The following ANKHD1 variants were observed in gnomAD, a reference collection of about 807,000 sequenced individuals.
ANKHD1 encodes the protein ankyrin repeat and KH domain containing 1, also known as ankyrin repeat and KH domain-containing protein 1.
Under a neutral mutation model 230.5 loss-of-function variants are expected in ANKHD1, and 31 were observed. That is an observed-to-expected ratio of 0.13 (90% CI 0.10 to 0.18). The LOEUF (loss-of-function observed/expected upper bound fraction) is 0.18. Ranked by LOEUF, ANKHD1 falls within the 10% of genes least tolerant of loss-of-function variation. ANKHD1 has a pLI of 1.00. For missense variants in ANKHD1, 2,256 were observed against 3,071.3 expected, an observed-to-expected ratio of 0.73 and a Z score of 6.27; for synonymous variants, 1,074 against 1,117.6, an observed-to-expected ratio of 0.96 and a Z score of 0.78.
In ANKHD1 at chr5:140,538,101, G is replaced by T. The variant is rs748439529; in HGVS notation, c.7244G>T (p.Trp2415Leu). The T allele has an allele frequency of 6.2e-7, 1 of 1,611,060 alleles. No homozygotes were observed. The highest frequency in any genetic ancestry group is 1.3e-5 in the African/African-American group (1 of 74,826). The change falls in exon 32 of 34, where the codon TGG becomes TTG. Residue 2415 changes from tryptophan to leucine, a missense_variant. Trp to Leu is a moderately conservative substitution (Grantham distance 61, BLOSUM62 -2). Transcript: ENST00000360839. ...VNAVSEGLSG[W>L]SQSVMGNHPM... is the part of the protein sequence containing the mutation. ...TTCTTTCCAGAAGGCTTATCAGGTT[G>T]GTCGCAATCTGTGATGGGGAACCAT...
Position 140,445,861 on chromosome 5 carries a change from G to A in ANKHD1, c.1033G>A (p.Ala345Thr), listed in dbSNP as rs1774241693. ...AAATGGACATACTCCCTTAATGGAA[G>A]CAGCCAGTGCAGGTCATGTGGAAGT... Reference protein sequence around the residue: ...NENGHTPLMEAASAGHVEVAR... With the variant: ...NENGHTPLMETASAGHVEVAR... The change falls in exon 6 of 34, where the codon GCA (alanine) becomes ACA (threonine). Residue 345 changes from alanine (A) to threonine (T), a missense_variant. Coordinates refer to ENST00000360839, the MANE Select transcript of ANKHD1 (RefSeq NM_017747.3). The A allele has an allele frequency of 1.2e-6, 2 of 1,613,612 alleles. No individual in the cohort carries two copies. The highest frequency in any genetic ancestry group is 1.3e-5 in the African/African-American group (1 of 74,922).
chr5:140,412,651 C>T (rs1771035417), intron 1 of ANKHD1, among the ~76,000 whole-genome samples: 1 of 151,984 alleles, frequency 6.6e-6, no homozygotes, highest in African/African-American at 2.4e-5. Context: ...AGGCATATGC[C>T]CAACTTTGCA....
At chr5:140,437,531 C>T (rs1041822944) in intron 2 of ANKHD1, among the ~76,000 whole-genome samples, 5 of 152,126 alleles carry the variant, frequency 3.3e-5, no homozygotes, top group Non-Finnish European at 7.3e-5. Flanking sequence ...GGTGAAACCT[C>T]GTCTTTACTA....
At position 140,441,054 on chromosome 5, in the gene ANKHD1, C is replaced by T; in HGVS notation, c.825C>T (p.Pro275=). The T allele has an allele frequency of 6.8e-6, 11 of 1,611,952 alleles. No individual in the cohort carries two copies. The highest frequency in any genetic ancestry group is 6.7e-5 in the Admixed American group (4 of 59,562). ...GAGGGAATAAAGGAGACATAACTCC[C>T]CTGATGGCAGCTTCCAGTGGAGGTT... is the stretch of plus-strand genomic sequence containing the variant. ...EDRGNKGDIT[P]LMAASSGGYL... Residue 275 remains proline (P), a synonymous_variant, in exon 5 of 34, where the codon CCC becomes CCT. Coordinates refer to ENST00000360839, the MANE Select transcript of ANKHD1 (RefSeq NM_017747.3).
intron 1 of ANKHD1, among the ~76,000 whole-genome samples, chr5:140,415,376 C>T (rs1183046499): frequency 4.0e-5 from 6 of 148,242 alleles, no homozygotes; most frequent in East Asian, 2.0e-4. Flanking sequence ...AGCGAGACTT[C>T]GTCTTAAGAA....
chr5:140,491,074 GTATATATGTGTGTGTGTGTATA>G (rs2127026976), intron 14 of ANKHD1, among the ~76,000 whole-genome samples: 1 of 112,532 alleles, frequency 8.9e-6, no homozygotes, highest in South Asian at 2.9e-4. Context: ...TTATATGTAT[GTATATATGTGTGTGTGTGTATA>G]TATATATATA....
chr5:140,470,130 G>A lies in ANKHD1; in HGVS notation c.1782+5354G>A, dbSNP rs1188344016. Among the ~76,000 whole-genome samples, 6 of 152,048 alleles carry A rather than the reference G, an allele frequency of 3.9e-5. No individual in the cohort carries two copies. In the Middle Eastern group the frequency reaches 0.01, roughly 259 times the overall value. ...TCTTCTGGTACTGAATATTGCCAAA[G>A]CCTGCTAGACTATTCTGTATTATAT... On this transcript the variant is annotated intron_variant, in intron 10 of 33. Coordinates refer to ENST00000360839, the MANE Select transcript of ANKHD1 (RefSeq NM_017747.3).
intron 14 of ANKHD1, among the ~76,000 whole-genome samples, chr5:140,487,301 A>G (rs1000425937): frequency 6.6e-6 from 1 of 152,224 alleles, no homozygotes. Flanking sequence ...AGATGAAAAC[A>G]CTTAAGAAAC....
intron 10 of ANKHD1, among the ~76,000 whole-genome samples, chr5:140,475,887 G>A (rs2127003865): frequency 6.6e-6 from 1 of 152,244 alleles, no homozygotes; most frequent in African/African-American, 2.4e-5. Context: ...TCTTTATCAA[G>A]AAAGATAGTC....
At chr5:140,416,522 T>C (rs891444946) in intron 1 of ANKHD1, among the ~76,000 whole-genome samples, 6 of 152,226 alleles carry the variant, frequency 3.9e-5, no homozygotes, top group Non-Finnish European at 5.9e-5. Flanking sequence ...TGGGTTTACT[T>C]TCTTGACTCT....
At chr5:140,430,087 C>T (rs1214450490) in intron 1 of ANKHD1, among the ~76,000 whole-genome samples, 1 of 152,138 alleles carries the variant, frequency 6.6e-6, no homozygotes, top group Non-Finnish European at 1.5e-5. Context: ...TTAGTTGAAG[C>T]TAAAAACCAC....
intron 22 of ANKHD1, among the ~76,000 whole-genome samples, chr5:140,510,928 T>C (rs1752739341): frequency 6.6e-6 from 1 of 151,974 alleles, no homozygotes; most frequent in Non-Finnish European, 1.5e-5. Flanking sequence ...GCTCAATTGA[T>C]CCTCCCGCCT....
At chr5:140,429,834 C>T (rs1270572936) in intron 1 of ANKHD1, among the ~76,000 whole-genome samples, 1 of 152,270 alleles carries the variant, frequency 6.6e-6, no homozygotes, top group East Asian at 1.9e-4. Context: ...TATAGCGCTA[C>T]ATAGAAACTG....
chr5:140,412,301 A>G (rs1248294087), intron 1 of ANKHD1, among the ~76,000 whole-genome samples: 1 of 152,038 alleles, frequency 6.6e-6, no homozygotes, highest in Non-Finnish European at 1.5e-5. Context: ...AAGTGCTGCG[A>G]TTACAGGCGT....
At chr5:140,468,110 T>C (rs1173235214) in intron 10 of ANKHD1, among the ~76,000 whole-genome samples, 1 of 119,738 alleles carries the variant, frequency 8.4e-6, no homozygotes, top group Non-Finnish European at 1.6e-5. Flanking sequence ...GGTCTGGCTC[T>C]GTTACCCAGG....
At position 140,529,419 on chromosome 5, in the gene ANKHD1, C is replaced by G. The variant is rs1247851356; in HGVS notation, c.6473C>G (p.Ser2158Cys). Residue 2158 changes from serine (S) to cysteine (C), a missense_variant, in exon 29 of 34, where the codon TCT (serine) becomes TGT (cysteine). Ser to Cys is a moderately radical substitution (Grantham distance 112). Transcript: ENST00000360839. ...GCAACTATTCACCAGGATCCCCAGT[C>G]TATTTTTGTTACGAATCCAGTTACT... ...PNATIHQDPQ[S>C]IFVTNPVTLT... 6.2e-6 allele frequency: 10 copies of G among 1,614,210 alleles called. No individual in the cohort carries two copies. The highest frequency in any genetic ancestry group is 8.5e-6 in the Non-Finnish European group (10 of 1,180,032).
At chr5:140,500,015 C>T (rs553198188) in intron 15 of ANKHD1, among the ~76,000 whole-genome samples, 2 of 151,976 alleles carry the variant, frequency 1.3e-5, no homozygotes, top group East Asian at 1.9e-4. Flanking sequence ...ATTACAGGCA[C>T]CTGCCACCAC....
chr5:140,442,187 G>A (rs1489175009), intron 5 of ANKHD1, among the ~76,000 whole-genome samples: 1 of 151,664 alleles, frequency 6.6e-6, no homozygotes, highest in Non-Finnish European at 1.5e-5. Context: ...TTACAGGCGA[G>A]TACCACCACT....
chr5:140,513,282 T>A (rs1752843406), intron 23 of ANKHD1, 81 bp from the exon 24 acceptor site: 10 of 1,375,400 alleles, frequency 7.3e-6, no homozygotes, highest in Non-Finnish European at 9.8e-6. Context: ...CTTTAACCTC[T>A]GGACTTTAAT....
Sources: gnomAD v4.1 joint callset for allele counts (sites outside exome capture counted in the v4.1 genomes callset) on GRCh38, gnomAD v4.1.1 for gene constraint, MANE v1.5 for transcripts, NCBI Gene and HGNC (gene_info 2026-07-23, HGNC 2026-07-21) for gene names.